ALG6: variants seen among roughly 807,000 people sequenced by gnomAD.
ALG6 encodes ALG6 alpha-1,3-glucosyltransferase.
Under a neutral mutation model 66.6 loss-of-function variants are expected in ALG6, and 46 were observed. The observed-to-expected ratio is 0.69, with a 90% CI of 0.55 to 0.88. The LOEUF is 0.88. Among genes scored for constraint, ALG6 ranks in the 40% least tolerant of loss-of-function variants. ALG6 has a pLI of 0.00. For missense variants in ALG6, 505 were observed against 586.8 expected (o/e 0.86, Z 1.44); for synonymous variants, 185 against 203.7 (o/e 0.91, Z 0.78).
chr1:63,421,691 C>G (rs1644574491), intron 12 of ALG6, among the ~76,000 whole-genome samples: 1 of 151,940 alleles, frequency 6.6e-6, no homozygotes. Flanking sequence ...TATTATGCGG[C>G]CAAAAAGAAG....
intron 12 of ALG6, 99 bp from the exon 13 acceptor site, chr1:63,428,634 G>C: frequency 1.1e-6 from 1 of 939,012 alleles, no homozygotes; most frequent in Non-Finnish European, 1.6e-6. Flanking sequence ...TTAAGCTACC[G>C]CTGAAAATCA....
intron 2 of ALG6, among the ~76,000 whole-genome samples, chr1:63,394,848 A>G (rs529805746): frequency 6.6e-6 from 1 of 151,554 alleles, no homozygotes; most frequent in East Asian, 2.0e-4. Context: ...AAGTGGGTAT[A>G]ATGATAATAC....
chr1:63,398,988 T>C (rs1644430170), intron 3 of ALG6, among the ~76,000 whole-genome samples: 1 of 152,210 alleles, frequency 6.6e-6, no homozygotes, highest in Non-Finnish European at 1.5e-5. Context: ...AGCTAGGTAT[T>C]CTGCTCAGAG....
chr1:63,406,941 A>G, intron 6 of ALG6, 121 bp from the exon 7 acceptor site: 1 of 725,884 alleles, frequency 1.4e-6, no homozygotes, highest in Non-Finnish European at 2.4e-6. Flanking sequence ...TTATGAAAAG[A>G]AAGTGTGACA....
intron 2 of ALG6, among the ~76,000 whole-genome samples, chr1:63,387,968 G>A (rs563538923): frequency 1.5e-4 from 23 of 152,196 alleles, no homozygotes; most frequent in Admixed American, 1.0e-3. Context: ...TTCAGTCTAT[G>A]TGTGTCTTTA....
Position 63,391,632 on chromosome 1 carries a change from T to C in ALG6, c.83-4881T>C, listed in dbSNP as rs137976322. ...CAAGGTGCCAGATTTTGAAGTTGAA[T>C]GTTCAGAACTCCATCACACTCAAGT... On this transcript the variant is annotated intron_variant, in intron 2 of 14. Coordinates refer to ENST00000263440, the MANE Select transcript of ALG6 (RefSeq NM_013339.4). Among the ~76,000 whole-genome samples, 1,187 of 152,350 alleles carry C rather than the reference T, an allele frequency of 7.8e-3. 9 individuals carry two copies. The highest frequency in any genetic ancestry group is 0.027 in the African/African-American group (1,119 of 41,560).
chr1:63,422,197 C>T (rs1241789565), intron 12 of ALG6, among the ~76,000 whole-genome samples: 3 of 101,080 alleles, frequency 3.0e-5, no homozygotes, highest in Non-Finnish European at 3.9e-5. Context: ...AAATATATAT[C>T]TATATGAATA....
chr1:63,387,106 CTT>C (rs1169646688), intron 2 of ALG6, among the ~76,000 whole-genome samples: 7 of 152,164 alleles, frequency 4.6e-5, no homozygotes, highest in African/African-American at 1.2e-4. Flanking sequence ...CAAAATTCCT[CTT>C]GTTATTGATT....
intron 3 of ALG6, among the ~76,000 whole-genome samples, chr1:63,400,245 GTATATATATGTA>G (rs1644444603): frequency 2.9e-4 from 1 of 3,412 alleles, no homozygotes; most frequent in African/African-American, 2.0e-3. Context: ...ATATATATAC[GTATATATATGTA>G]TATATATATA....
intron 12 of ALG6, among the ~76,000 whole-genome samples, chr1:63,422,605 C>T (rs1002553548): frequency 6.6e-6 from 1 of 150,956 alleles, no homozygotes; most frequent in African/African-American, 2.4e-5. Flanking sequence ...TCACTGGTGA[C>T]TTTGGTGGGG....
intron 12 of ALG6, among the ~76,000 whole-genome samples, chr1:63,421,511 TC>T (rs1401884449): frequency 6.6e-6 from 1 of 152,108 alleles, no homozygotes; most frequent in Non-Finnish European, 1.5e-5. Context: ...GACCTAGCAA[TC>T]CCATTACTGG....
chr1:63,436,365 T>G (rs1342017341), intron 14 of ALG6, among the ~76,000 whole-genome samples: 4 of 152,194 alleles, frequency 2.6e-5, no homozygotes, highest in Non-Finnish European at 5.9e-5. Flanking sequence ...ATATTCAGCC[T>G]ACTGACCTGC....
intron 11 of ALG6, among the ~76,000 whole-genome samples, chr1:63,418,616 G>T (rs1384831945): frequency 6.6e-6 from 1 of 152,138 alleles, no homozygotes; most frequent in Non-Finnish European, 1.5e-5. Context: ...AAAATTACAT[G>T]ATCTGATATG....
chr1:63,398,617 C>A (rs1027779521), intron 3 of ALG6, among the ~76,000 whole-genome samples: 1 of 152,032 alleles, frequency 6.6e-6, no homozygotes, highest in Non-Finnish European at 1.5e-5. Flanking sequence ...GGACTACAGG[C>A]GCCCACCACC....
chr1:63,402,307 C>T lies in ALG6; in HGVS notation c.221C>T (p.Pro74Leu). ...CAGTATTGGGGATTGGATTACCCAC[C>T]TCTTACAGCTTATCATAGTCTCCTA... is the stretch of plus-strand genomic sequence containing the variant. ...NLQYWGLDYP[P>L]LTAYHSLLCA... Residue 74 changes from proline (P) to leucine (L), a missense_variant, in exon 4 of 15, where the codon CCT (proline) becomes CTT (leucine). Pro to Leu is a moderately conservative substitution (Grantham distance 98). Coordinates refer to ENST00000263440, the MANE Select transcript of ALG6 (RefSeq NM_013339.4). 1 of 1,612,164 alleles carries T rather than the reference C, an allele frequency of 6.2e-7. No homozygotes were observed. Among genetic ancestry groups the T allele is most frequent in the Middle Eastern group, 1.7e-4 (1 of 6,040 alleles).
intron 12 of ALG6, among the ~76,000 whole-genome samples, chr1:63,424,375 G>A (rs12735970): frequency 0.13 from 20,326 of 152,020 alleles, 1,525 homozygotes; most frequent in Middle Eastern, 0.25. Flanking sequence ...TCCTGACCTC[G>A]TGATCCACCC....
chr1:63,399,121 A>G (rs907277086), intron 3 of ALG6, among the ~76,000 whole-genome samples: 1 of 152,142 alleles, frequency 6.6e-6, no homozygotes, highest in Non-Finnish European at 1.5e-5. Flanking sequence ...TGCATCTGCA[A>G]GAGTGAGGGC....
chr1:63,390,389 G>C lies in ALG6; in HGVS notation c.83-6124G>C, dbSNP rs140828664. On this transcript the variant is annotated intron_variant, in intron 2 of 14. Coordinates refer to ENST00000263440, the MANE Select transcript of ALG6 (RefSeq NM_013339.4). Reference sequence around the variant, plus strand: ...CTGTGGCAGAGCTGGTATTTAAGTTGCAAGACAAAGTCCTCTTTTACTCTC... The same window carrying C: ...CTGTGGCAGAGCTGGTATTTAAGTTCCAAGACAAAGTCCTCTTTTACTCTC... Among the ~76,000 whole-genome samples the C allele has an allele frequency of 7.4e-3, 1,123 of 152,206 alleles. 11 individuals are homozygous for C. Among genetic ancestry groups the C allele is most frequent in the African/African-American group, 0.024 (1,011 of 41,522 alleles).
At chr1:63,400,348 T>TAC (rs1491168257) in intron 3 of ALG6, among the ~76,000 whole-genome samples, 4 of 104,410 alleles carry the variant, frequency 3.8e-5, no homozygotes, top group African/African-American at 8.6e-5. Context: ...TATATATATA[T>TAC]GTATATATAT....
Sources: allele counts gnomAD v4.1 joint callset (sites outside exome capture counted in the v4.1 genomes callset), GRCh38; gene constraint gnomAD v4.1.1; transcripts MANE v1.5; gene names NCBI Gene and HGNC (gene_info 2026-07-23, HGNC 2026-07-21).